CDH13: variants seen among roughly 807,000 people sequenced by gnomAD.
The protein encoded by CDH13 is cadherin 13, also known as cadherin-13.
In CDH13, 24 loss-of-function variants were observed where a neutral mutation model predicts 63.8. The observed-to-expected ratio is 0.38, with a 90% CI of 0.27 to 0.53. The LOEUF is 0.53. CDH13 is among the 20% of genes least tolerant of loss of function. The probability of loss-of-function intolerance (pLI) is 0.85; values close to 1 mark genes in which losing one functional copy is unlikely to be tolerated. For missense variants in CDH13, 1,049 were observed against 903.1 expected (o/e 1.16, Z -2.07); for synonymous variants, 503 against 355.3 (o/e 1.42, Z -4.67).
intron 2 of CDH13, among the ~76,000 whole-genome samples, chr16:82,985,492 G>A (rs1910821041): frequency 6.6e-6 from 1 of 152,126 alleles, no homozygotes; most frequent in Admixed American, 6.5e-5. Flanking sequence ...ACATATTTGT[G>A]GCTTTCCTCC....
chr16:83,037,631 A>C (rs1218462686), intron 3 of CDH13, among the ~76,000 whole-genome samples: 1 of 152,166 alleles, frequency 6.6e-6, no homozygotes, highest in Non-Finnish European at 1.5e-5. Flanking sequence ...GTGTTGATTT[A>C]TATGCTCCTA....
rs577643729 is a variant in CDH13, at chr16:83,597,127, T to G, written c.961-5327T>G. ...GGTCTTAGCTACTTGGGGTGCTAAG[T>G]TGGGAGGATCTCTTGAGCCTGGGAG... On this transcript the variant is annotated intron_variant, in intron 7 of 13. Transcript: ENST00000567109. 3.8e-4 allele frequency among the ~76,000 whole-genome samples: 58 copies of G among 152,028 alleles called. 2 individuals are homozygous for G. The South Asian group carries it at 0.012, about 31-fold the overall frequency.
intron 5 of CDH13, among the ~76,000 whole-genome samples, chr16:83,296,655 C>T (rs1430891370): frequency 6.6e-6 from 1 of 152,112 alleles, no homozygotes; most frequent in African/African-American, 2.4e-5. Flanking sequence ...AAGTGGATCT[C>T]AGCCATCTAG....
chr16:83,265,109 A>T (rs899302296), intron 5 of CDH13, among the ~76,000 whole-genome samples: 1 of 152,176 alleles, frequency 6.6e-6, no homozygotes, highest in East Asian at 1.9e-4. Context: ...AATGTCTTTA[A>T]ATGTCTCAAG....
chr16:82,781,270 C>T (rs1194395620), intron 1 of CDH13, among the ~76,000 whole-genome samples: 1 of 152,220 alleles, frequency 6.6e-6, no homozygotes, highest in Non-Finnish European at 1.5e-5. Context: ...CTTGAAATTA[C>T]AGCATTCTCT....
rs540352528 is a variant in CDH13, at chr16:83,009,855, C to T, written c.158-22155C>T. On this transcript the variant is annotated intron_variant, in intron 2 of 13. Transcript: ENST00000567109. ...AGATTCTGATTAGAATGGCTCAGGC[C>T]GGGTGCAGTGGCTCACGCCTGTAAT... Among the ~76,000 whole-genome samples the T allele has an allele frequency of 1.1e-4, 16 of 152,106 alleles. No homozygotes were observed. The South Asian group carries it at 2.7e-3, about 26-fold the overall frequency.
chr16:83,689,030 T>C (rs1287517540), intron 10 of CDH13, among the ~76,000 whole-genome samples: 3 of 152,170 alleles, frequency 2.0e-5, no homozygotes, highest in African/African-American at 7.2e-5. Flanking sequence ...ATCTGGCCGT[T>C]TGGGTAAATG....
chr16:82,782,338 G>A (rs948687683), intron 1 of CDH13, among the ~76,000 whole-genome samples: 6 of 152,158 alleles, frequency 3.9e-5, no homozygotes, highest in Non-Finnish European at 8.8e-5. Context: ...GAGGTGGGTG[G>A]ATCACGAGGT....
chr16:83,189,932 G>A (rs1008610260), intron 4 of CDH13, among the ~76,000 whole-genome samples: 3 of 152,162 alleles, frequency 2.0e-5, no homozygotes, highest in African/African-American at 7.2e-5. Flanking sequence ...ATAAGTGGGA[G>A]TTCCCCTGCA....
At chr16:83,392,538 C>T (rs1271029397) in intron 6 of CDH13, among the ~76,000 whole-genome samples, 1 of 152,178 alleles carries the variant, frequency 6.6e-6, no homozygotes, top group East Asian at 1.9e-4. Flanking sequence ...TTTGTGACCA[C>T]TCACAGTAAG....
At chr16:83,226,524 A>G (rs185935501) in intron 5 of CDH13, among the ~76,000 whole-genome samples, 16 of 152,284 alleles carry the variant, frequency 1.1e-4, no homozygotes, top group Admixed American at 1.0e-3. Context: ...CTCGGTACTT[A>G]GCACACATCC....
intron 5 of CDH13, among the ~76,000 whole-genome samples, chr16:83,271,445 A>AAAAAAAAAAAAAAAAAAAC (rs2088809881): frequency 7.3e-6 from 1 of 136,904 alleles, no homozygotes; most frequent in Non-Finnish European, 1.6e-5. Flanking sequence ...AAAAAAAAAA[A>AAAAAAAAAAAAAAAAAAAC]AAAAAAATTC....
At chr16:82,798,289 G>C (rs372761621) in intron 1 of CDH13, among the ~76,000 whole-genome samples, 86 of 152,214 alleles carry the variant, frequency 5.6e-4, no homozygotes, top group African/African-American at 2.0e-3. Context: ...CGTAGGAGCC[G>C]CACACTCAGT....
At chr16:82,662,267 G>A (rs755036240) in intron 1 of CDH13, among the ~76,000 whole-genome samples, 4 of 140,514 alleles carry the variant, frequency 2.8e-5, no homozygotes, top group African/African-American at 1.0e-4. Flanking sequence ...TTTTGGATAA[G>A]AGTGCAAAAA....
At chr16:83,076,708 G>A (rs1025155996) in intron 3 of CDH13, among the ~76,000 whole-genome samples, 1 of 151,810 alleles carries the variant, frequency 6.6e-6, no homozygotes, top group African/African-American at 2.4e-5. Context: ...GTAAGCAACA[G>A]ATATGTAACA....
At chr16:83,061,677 C>T (rs370417883) in intron 3 of CDH13, among the ~76,000 whole-genome samples, 1 of 152,256 alleles carries the variant, frequency 6.6e-6, no homozygotes, top group Non-Finnish European at 1.5e-5. Flanking sequence ...TAAGTGAAAC[C>T]AGACGCCTCC....
chr16:83,074,945 A>G (rs1339563395), intron 3 of CDH13, among the ~76,000 whole-genome samples: 2 of 152,234 alleles, frequency 1.3e-5, no homozygotes, highest in East Asian at 3.9e-4. Context: ...TTCTGAGGAC[A>G]CGTGCAGCCT....
intron 8 of CDH13, among the ~76,000 whole-genome samples, chr16:83,632,138 G>A (rs1043131489): frequency 6.6e-6 from 1 of 152,196 alleles, no homozygotes; most frequent in Non-Finnish European, 1.5e-5. Flanking sequence ...AAGAGAAGGA[G>A]CTTTTATGTT....
At chr16:83,356,007 C>G (rs1456307543) in intron 6 of CDH13, among the ~76,000 whole-genome samples, 2 of 152,170 alleles carry the variant, frequency 1.3e-5, no homozygotes, top group Non-Finnish European at 2.9e-5. Context: ...CCGCCGTGGT[C>G]ACACAGCTGG....
Sources: gnomAD v4.1 joint callset for allele counts (sites outside exome capture counted in the v4.1 genomes callset) on GRCh38, gnomAD v4.1.1 for gene constraint, MANE v1.5 for transcripts, NCBI Gene and HGNC (gene_info 2026-07-23, HGNC 2026-07-21) for gene names.